NCKAP5: variants seen among roughly 807,000 people sequenced by gnomAD.
NCKAP5 encodes the protein nck-associated protein 5.
A neutral mutation model predicts 167.0 loss-of-function variants in NCKAP5; 92 were observed. The observed-to-expected ratio is 0.55, with a 90% confidence interval of 0.47 to 0.66. The LOEUF (loss-of-function observed/expected upper bound fraction) is 0.66. Ranked by LOEUF, NCKAP5 falls within the 30% of genes least tolerant of loss-of-function variation. The probability of loss-of-function intolerance (pLI) is 0.00; values close to 1 mark genes in which losing one functional copy is unlikely to be tolerated. For synonymous variants in NCKAP5, 891 were observed against 877.4 expected (o/e 1.02, Z -0.27); for missense variants, 2,378 against 2,315.0 (o/e 1.03, Z -0.56).
chr2:133,633,197 C>T, the NCKAP5 span, among the ~76,000 whole-genome samples: 1 of 152,204 alleles, frequency 6.6e-6, no homozygotes, highest in Non-Finnish European at 1.5e-5. Flanking sequence ...ACTCTGCCTA[C>T]TTTGCAGCCT....
At chr2:133,100,519 A>G (rs1287432153) in intron 6 of NCKAP5, among the ~76,000 whole-genome samples, 1 of 152,186 alleles carries the variant, frequency 6.6e-6, no homozygotes, top group Non-Finnish European at 1.5e-5. Context: ...CAGACGTGGT[A>G]GGGTAATGTC....
intron 8 of NCKAP5, among the ~76,000 whole-genome samples, chr2:132,933,235 AC>A (rs1160502226): frequency 6.6e-6 from 1 of 151,980 alleles, no homozygotes; most frequent in Non-Finnish European, 1.5e-5. Flanking sequence ...GAGCTGAAAC[AC>A]CCTCACTTTT....
At position 133,528,609 on chromosome 2, in the gene NCKAP5, G is replaced by A. The variant is rs58126830; in HGVS notation, c.-61-11022C>T. Among the ~76,000 whole-genome samples, 1,306 of 152,224 alleles carry A rather than the reference G, an allele frequency of 8.6e-3. 14 individuals carry two copies. The highest frequency in any genetic ancestry group is 0.03 in the African/African-American group (1,245 of 41,532). The stretch of plus-strand genomic sequence containing the variant: ...AACTTATCTATGTACATGTAATAGC[G>A]GAATTCCAAGCATTTTCTCATAAAG... On this transcript the variant is annotated intron_variant, in intron 2 of 19. Transcript: ENST00000409261.
chr2:132,886,471 C>T (rs905468833), intron 8 of NCKAP5, among the ~76,000 whole-genome samples: 3 of 152,174 alleles, frequency 2.0e-5, no homozygotes, highest in Non-Finnish European at 2.9e-5. Context: ...CTCTACAGGC[C>T]TTGTTCAGAT....
At chr2:133,261,899 C>T (rs888962868) in intron 4 of NCKAP5, among the ~76,000 whole-genome samples, 1 of 152,126 alleles carries the variant, frequency 6.6e-6, no homozygotes, top group Non-Finnish European at 1.5e-5. Context: ...CAATGTAATG[C>T]CAATGCCAAT....
chr2:133,433,186 A>G (rs1435124873), intron 3 of NCKAP5, among the ~76,000 whole-genome samples: 1 of 152,222 alleles, frequency 6.6e-6, no homozygotes, highest in Non-Finnish European at 1.5e-5. Flanking sequence ...AATTTGTATG[A>G]CTTTAATGTG....
intron 12 of NCKAP5, among the ~76,000 whole-genome samples, chr2:132,795,402 C>A (rs1191220528): frequency 6.6e-6 from 1 of 152,210 alleles, no homozygotes; most frequent in Non-Finnish European, 1.5e-5. Context: ...CTGTCTTCTG[C>A]ACTATCCAAA....
At chr2:133,383,533 ATG>A (rs1284096424) in intron 3 of NCKAP5, among the ~76,000 whole-genome samples, 1 of 152,158 alleles carries the variant, frequency 6.6e-6, no homozygotes. Context: ...ATACGTGTGC[ATG>A]TGTCTTTCTA....
chr2:133,376,835 C>T (rs777292063), intron 3 of NCKAP5, among the ~76,000 whole-genome samples: 2 of 152,192 alleles, frequency 1.3e-5, no homozygotes, highest in Admixed American at 6.5e-5. Flanking sequence ...TAGACATTGC[C>T]AGTGGTACCT....
intron 6 of NCKAP5, among the ~76,000 whole-genome samples, chr2:133,105,501 A>C (rs2081654638): frequency 6.6e-6 from 1 of 151,884 alleles, no homozygotes; most frequent in African/African-American, 2.4e-5. Flanking sequence ...TCCTCTCTCT[A>C]CTCTTTTGAA....
intron 10 of NCKAP5, among the ~76,000 whole-genome samples, chr2:132,863,793 A>C (rs1371749020): frequency 6.6e-6 from 1 of 152,206 alleles, no homozygotes; most frequent in Non-Finnish European, 1.5e-5. Flanking sequence ...CAAGCTGTGG[A>C]TCACCAGTAA....
At chr2:133,013,003 G>T (rs2078215938) in intron 6 of NCKAP5, among the ~76,000 whole-genome samples, 5 of 152,106 alleles carry the variant, frequency 3.3e-5, no homozygotes, top group Admixed American at 3.3e-4. Flanking sequence ...TGCCAGCCCT[G>T]GGCAGCATTC....
At chr2:133,198,580 A>C (rs1056961058) in intron 5 of NCKAP5, among the ~76,000 whole-genome samples, 2 of 152,150 alleles carry the variant, frequency 1.3e-5, no homozygotes, top group Non-Finnish European at 2.9e-5. Flanking sequence ...GTAAAAAATA[A>C]TTAGGATTCA....
chr2:133,663,835 A>G, the NCKAP5 span, among the ~76,000 whole-genome samples: 2 of 152,150 alleles, frequency 1.3e-5, no homozygotes, highest in Admixed American at 1.3e-4. Context: ...ACTCCTGTTA[A>G]TGATGATATT....
intron 5 of NCKAP5, among the ~76,000 whole-genome samples, chr2:133,208,334 T>A (rs1433542258): frequency 6.6e-6 from 1 of 152,028 alleles, no homozygotes; most frequent in African/African-American, 2.4e-5. Flanking sequence ...CGAGACCCTA[T>A]CTCAAAACAA....
intron 11 of NCKAP5, among the ~76,000 whole-genome samples, chr2:132,857,418 G>C (rs1193127463): frequency 6.6e-6 from 1 of 152,032 alleles, no homozygotes; most frequent in Non-Finnish European, 1.5e-5. Flanking sequence ...ACTCATTCTT[G>C]GCAAGTATTC....
At chr2:133,044,858 T>A (rs1250950780) in intron 6 of NCKAP5, among the ~76,000 whole-genome samples, 1 of 152,046 alleles carries the variant, frequency 6.6e-6, no homozygotes, top group Non-Finnish European at 1.5e-5. Context: ...GAAGATCACT[T>A]GAGCACAGGA....
At chr2:133,174,031 T>G (rs1347430333) in intron 5 of NCKAP5, among the ~76,000 whole-genome samples, 1 of 152,184 alleles carries the variant, frequency 6.6e-6, no homozygotes, top group Non-Finnish European at 1.5e-5. Flanking sequence ...ATTAACTGAA[T>G]TAAAGTGTTT....
intron 11 of NCKAP5, among the ~76,000 whole-genome samples, chr2:132,810,004 G>T (rs888134436): frequency 3.9e-5 from 6 of 152,118 alleles, no homozygotes; most frequent in Admixed American, 6.6e-5. Context: ...CTCAGCATTT[G>T]TTTGTCTGAA....
Sources: gnomAD v4.1 joint callset for allele counts (sites outside exome capture counted in the v4.1 genomes callset) on GRCh38, gnomAD v4.1.1 for gene constraint, MANE v1.5 for transcripts, NCBI Gene and HGNC (gene_info 2026-07-23, HGNC 2026-07-21) for gene names.